Variants in SAMD4A observed in about 807,000 individuals in gnomAD.
SAMD4A encodes the protein sterile alpha motif domain containing 4A, also known as protein Smaug homolog 1.
In SAMD4A, 33 loss-of-function variants were observed where a neutral mutation model predicts 81.3. The observed-to-expected ratio is 0.41, with a 90% CI of 0.31 to 0.54. The LOEUF is 0.54. SAMD4A is among the 20% of genes least tolerant of loss of function. The probability of loss-of-function intolerance (pLI) is 0.37; values close to 1 mark genes in which losing one functional copy is unlikely to be tolerated. For synonymous variants in SAMD4A, 389 were observed against 382.1 expected, an observed-to-expected ratio of 1.02 and a Z score of -0.21; for missense variants, 854 against 951.1, an observed-to-expected ratio of 0.90 and a Z score of 1.34.
rs1313275443 is a variant in SAMD4A at position 54,764,570 on chromosome 14, T to C, written c.1596+30T>C. 4 of 1,376,930 alleles carry C rather than the reference T, an allele frequency of 2.9e-6. No homozygotes were observed. The African/African-American group carries it at 4.4e-5, about 15-fold the overall frequency. 85.3% of individuals were successfully genotyped at this position (1,376,930 alleles called of 1,614,324 possible). A position where few individuals can be genotyped will look rare whatever the true frequency, so the allele number is the denominator to read the frequency against. Reference sequence around the variant, plus strand: ...GTAGTGACAGGTTTTACAAAACCATTTTTTTTTTATTGCTTAGAAATGGTT... The same window carrying C: ...GTAGTGACAGGTTTTACAAAACCATCTTTTTTTTATTGCTTAGAAATGGTT... On this transcript the variant is annotated intron_variant, in intron 8 of 12. Transcript: ENST00000554335.
At chr14:54,676,255 A>G (rs942974216) in intron 2 of SAMD4A, among the ~76,000 whole-genome samples, 5 of 151,972 alleles carry the variant, frequency 3.3e-5, no homozygotes, top group African/African-American at 7.3e-5. Flanking sequence ...AGATATCTCC[A>G]TTTTTCATGG....
chr14:54,788,074 G>A (rs186491830), intron 12 of SAMD4A, among the ~76,000 whole-genome samples: 107 of 152,188 alleles, frequency 7.0e-4, no homozygotes, highest in African/African-American at 2.4e-3. Flanking sequence ...GATTCTGGGC[G>A]GCCTCAGCAC....
At position 54,690,440 on chromosome 14, in the gene SAMD4A, T is replaced by C. The variant is rs896225869; in HGVS notation, c.197-11622T>C. On this transcript the variant is annotated intron_variant, in intron 2 of 12. Transcript: ENST00000554335. ...TAATAGACTAAGCTCTTTTTTTTTT[T>C]CTGCCAAATAATGTGTTGAGTCCTG... is the stretch of plus-strand genomic sequence containing the variant. Among the ~76,000 whole-genome samples, 14 of 152,246 alleles carry C rather than the reference T, an allele frequency of 9.2e-5. No homozygotes were observed. In the South Asian group the frequency reaches 2.1e-3, roughly 23 times the overall value.
intron 2 of SAMD4A, among the ~76,000 whole-genome samples, chr14:54,583,025 C>T (rs377085259): frequency 6.6e-6 from 1 of 152,114 alleles, no homozygotes; most frequent in East Asian, 1.9e-4. Context: ...CCCACTGCAA[C>T]CTCCGCCTCC....
chr14:54,747,638 T>C (rs955255548), intron 4 of SAMD4A, among the ~76,000 whole-genome samples: 14 of 152,266 alleles, frequency 9.2e-5, no homozygotes, highest in African/African-American at 3.4e-4. Flanking sequence ...CCCAATGCTT[T>C]AGCATTTCAA....
chr14:54,755,944 C>G (rs563855678), intron 6 of SAMD4A, among the ~76,000 whole-genome samples: 7 of 152,134 alleles, frequency 4.6e-5, no homozygotes, highest in Non-Finnish European at 2.9e-5. Flanking sequence ...CACACTCATG[C>G]ATTCACCTCA....
In SAMD4A at chr14:54,589,398, A is replaced by G. The variant is rs554442374; in HGVS notation, c.196+21286A>G. The stretch of plus-strand genomic sequence containing the variant: ...TTTTATGGCCATGTGTGGTATAGAT[A>G]TTTTGGTTGGATTTTCCATGTTGAT... On this transcript the variant is annotated intron_variant, in intron 2 of 12. Transcript: ENST00000554335. Among the ~76,000 whole-genome samples the G allele has an allele frequency of 3.9e-5, 6 of 152,244 alleles. No homozygotes were observed. In the South Asian group the frequency reaches 1.2e-3, roughly 32 times the overall value.
At chr14:54,630,267 G>A (rs947779244) in intron 2 of SAMD4A, among the ~76,000 whole-genome samples, 1 of 152,144 alleles carries the variant, frequency 6.6e-6, no homozygotes, top group African/African-American at 2.4e-5. Context: ...GTTTTCCATA[G>A]CAGCTGCATC....
chr14:54,763,361 A>G (rs1170907607), intron 7 of SAMD4A, among the ~76,000 whole-genome samples: 1 of 152,060 alleles, frequency 6.6e-6, no homozygotes, highest in Non-Finnish European at 1.5e-5. Flanking sequence ...ACAAAATAAT[A>G]AAATTTAAAA....
In SAMD4A at chr14:54,683,035, G is replaced by T. The variant is rs368262812; in HGVS notation, c.197-19027G>T. The stretch of plus-strand genomic sequence containing the variant: ...TCCCTGGGAAGCTGAGTGCCCCAAG[G>T]GTACCCTGCCTGGGTCTTGAGGGAC... On this transcript the variant is annotated intron_variant, in intron 2 of 12. Coordinates refer to ENST00000554335, the MANE Select transcript of SAMD4A (RefSeq NM_015589.6). Among the ~76,000 whole-genome samples, 14 of 152,272 alleles carry T rather than the reference G, an allele frequency of 9.2e-5. No homozygotes were observed. The East Asian group carries it at 2.3e-3, about 25-fold the overall frequency.
intron 2 of SAMD4A, among the ~76,000 whole-genome samples, chr14:54,697,587 T>C (rs2036608249): frequency 6.6e-6 from 1 of 152,178 alleles, no homozygotes; most frequent in South Asian, 2.1e-4. Context: ...GGGAACTTCA[T>C]GGGTCCATGC....
At chr14:54,566,226 C>T (rs978319074), upstream of SAMD4A, among the ~76,000 whole-genome samples, 3 of 151,330 alleles carry the variant, frequency 2.0e-5, no homozygotes, top group East Asian at 3.9e-4. Flanking sequence ...GGCCGGCGCT[C>T]CGGGCGCCCC....
At chr14:54,754,066 A>G (rs1287164201) in intron 6 of SAMD4A, among the ~76,000 whole-genome samples, 1 of 152,228 alleles carries the variant, frequency 6.6e-6, no homozygotes, top group African/African-American at 2.4e-5. Context: ...ATTCATTCAT[A>G]TCCTCCATCA....
intron 7 of SAMD4A, 121 bp from the exon 8 acceptor site, chr14:54,764,334 T>C: frequency 1.4e-6 from 1 of 706,972 alleles, no homozygotes; most frequent in Non-Finnish European, 2.4e-6. Context: ...TTGTGAGCCT[T>C]ACATAAAGCC....
Position 54,703,989 on chromosome 14 carries a change from C to T in SAMD4A, c.715+1409C>T, listed in dbSNP as rs2036787476. 1.3e-5 allele frequency: 2 copies of T among 152,204 alleles called. 1 individual carries two copies. The highest frequency in any genetic ancestry group is 4.1e-4 in the South Asian group (2 of 4,832). 9.4% of individuals were successfully genotyped at this position (152,204 alleles called of 1,614,324 possible). A position where few individuals can be genotyped will look rare whatever the true frequency, so the allele number is the denominator to read the frequency against. On this transcript the variant is annotated intron_variant, in intron 3 of 12. Coordinates refer to ENST00000554335, the MANE Select transcript of SAMD4A (RefSeq NM_015589.6). ...AATAGGTAGGATTGTTGAGTTACAG[C>T]TACATGAACTGAAACAGTACCTCAG...
chr14:54,746,920 A>T (rs1162621867), intron 4 of SAMD4A, among the ~76,000 whole-genome samples: 1 of 152,254 alleles, frequency 6.6e-6, no homozygotes, highest in Admixed American at 6.5e-5. Context: ...AGCTGTAGTT[A>T]AAATCAGTGC....
At chr14:54,616,258 T>C (rs2034488411) in intron 2 of SAMD4A, among the ~76,000 whole-genome samples, 2 of 152,256 alleles carry the variant, frequency 1.3e-5, no homozygotes. Context: ...CACACTTTCT[T>C]ATATTCTAGG....
chr14:54,757,383 T>TG (rs1429967616), intron 6 of SAMD4A, among the ~76,000 whole-genome samples: 3 of 140,062 alleles, frequency 2.1e-5, no homozygotes, highest in African/African-American at 8.2e-5. Flanking sequence ...GTTTCTTTAT[T>TG]TGTGTGTGTG....
At position 54,642,446 on chromosome 14, in the gene SAMD4A, C is replaced by G. The variant is rs1212091926; in HGVS notation, c.197-59616C>G. Among the ~76,000 whole-genome samples, 5 of 152,222 alleles carry G rather than the reference C, an allele frequency of 3.3e-5. No individual in the cohort carries two copies. In the East Asian group the frequency reaches 9.6e-4, roughly 29 times the overall value. ...CATAAACTGCTGCTCTCAAGTTGGT[C>G]TGGCATCGGCTCTCCATAGAATTCT... is the stretch of plus-strand genomic sequence containing the variant. On this transcript the variant is annotated intron_variant, in intron 2 of 12. Coordinates refer to ENST00000554335, the MANE Select transcript of SAMD4A (RefSeq NM_015589.6).
Sources: gnomAD v4.1 joint callset for allele counts (sites outside exome capture counted in the v4.1 genomes callset) on GRCh38, gnomAD v4.1.1 for gene constraint, MANE v1.5 for transcripts, NCBI Gene and HGNC (gene_info 2026-07-23, HGNC 2026-07-21) for gene names.